Variants in TTC39C observed in about 807,000 individuals in gnomAD.
The protein encoded by TTC39C is tetratricopeptide repeat domain 39C.
In TTC39C, 33 loss-of-function variants were observed where a neutral mutation model predicts 76.3. The ratio of observed to expected loss-of-function variants is 0.43; its 90% CI spans 0.33 to 0.58. The LOEUF is 0.58. Among genes scored for constraint, TTC39C ranks in the 20% least tolerant of loss-of-function variants. TTC39C has a pLI of 0.04. For missense variants in TTC39C, 595 were observed against 701.4 expected, an observed-to-expected ratio of 0.85 and a Z score of 1.71; for synonymous variants, 254 against 260.6, an observed-to-expected ratio of 0.97 and a Z score of 0.24.
chr18:24,083,058 A>G lies in TTC39C; in HGVS notation c.961A>G (p.Lys321Glu). The change falls in exon 6 of 14, where the codon AAG becomes GAG. Residue 321 changes from lysine (K) to glutamate (E), a missense_variant. Lys to Glu is a moderately conservative substitution (Grantham distance 56). Transcript: ENST00000317571. ...AAATTCTTCCCTCTTTATGTTTTTCAAGGGACGGATACAACGACTAGAGGT... is the reference window on the plus strand; with the variant it reads ...AAATTCTTCCCTCTTTATGTTTTTCGAGGGACGGATACAACGACTAGAGGT... ...YPNSSLFMFF[K>E]GRIQRLECQI... The G allele has an allele frequency of 1.9e-6, 3 of 1,614,038 alleles. No homozygotes were observed. The highest frequency in any genetic ancestry group is 2.5e-6 in the Non-Finnish European group (3 of 1,179,928).
At chr18:24,124,071 C>T (rs112779673) in intron 9 of TTC39C, 128 bp downstream of exon 9, 49 of 605,828 alleles carry the variant, frequency 8.1e-5, no homozygotes, top group African/African-American at 7.6e-4. Context: ...TGCAGTTCAC[C>T]GCCATGCAGA....
chr18:24,060,350 C>G (rs1256115372), intron 1 of TTC39C, among the ~76,000 whole-genome samples: 3 of 113,946 alleles, frequency 2.6e-5, no homozygotes, highest in African/African-American at 3.3e-5. Context: ...CGTAGTCTCT[C>G]TCTGTCGCCC....
chr18:24,103,679 C>T (rs1437059100), intron 6 of TTC39C, among the ~76,000 whole-genome samples: 2 of 152,118 alleles, frequency 1.3e-5, no homozygotes, highest in African/African-American at 4.8e-5. Context: ...TTAGGAATTT[C>T]AGAGGCCACT....
chr18:24,092,474 C>T (rs992776872), intron 6 of TTC39C, among the ~76,000 whole-genome samples: 1 of 152,210 alleles, frequency 6.6e-6, no homozygotes, highest in Non-Finnish European at 1.5e-5. Flanking sequence ...AAAGTGGCAA[C>T]AGCTCAGATG....
intron 1 of TTC39C, among the ~76,000 whole-genome samples, chr18:24,025,996 C>G (rs1338763099): frequency 1.3e-5 from 2 of 152,152 alleles, no homozygotes; most frequent in Non-Finnish European, 2.9e-5. Flanking sequence ...GTGTTGGGCT[C>G]CCTGGGTCCC....
intron 5 of TTC39C, among the ~76,000 whole-genome samples, chr18:24,082,007 T>C (rs1314372238): frequency 6.6e-6 from 1 of 150,496 alleles, no homozygotes; most frequent in Non-Finnish European, 1.5e-5. Flanking sequence ...CATTTTTGTC[T>C]GGCTGTTGTT....
intron 1 of TTC39C, among the ~76,000 whole-genome samples, chr18:24,017,449 C>T (rs972804751): frequency 2.8e-4 from 42 of 152,302 alleles, no homozygotes; most frequent in African/African-American, 9.1e-4. Context: ...TCCATGGCCC[C>T]GACTAAGTGT....
intron 1 of TTC39C, among the ~76,000 whole-genome samples, chr18:24,055,604 G>A (rs1336769009): frequency 6.6e-6 from 1 of 152,132 alleles, no homozygotes; most frequent in Non-Finnish European, 1.5e-5. Context: ...TTGTTGCTGA[G>A]TTGTAGGAGC....
chr18:24,024,116 A>G (rs2083567533), intron 1 of TTC39C, among the ~76,000 whole-genome samples: 1 of 144,778 alleles, frequency 6.9e-6, no homozygotes, highest in Non-Finnish European at 1.5e-5. Context: ...AGGTTCAAGC[A>G]ATTCTCCTGC....
At chr18:24,131,069 A>G (rs1347148825) in intron 12 of TTC39C, among the ~76,000 whole-genome samples, 2 of 141,072 alleles carry the variant, frequency 1.4e-5, no homozygotes, top group East Asian at 4.4e-4. Flanking sequence ...CAAAAAACAT[A>G]GTCAGGCGTG....
intron 9 of TTC39C, 99 bp downstream of exon 9, chr18:24,124,042 AT>A: frequency 1.2e-6 from 1 of 815,848 alleles, no homozygotes; most frequent in Non-Finnish European, 1.9e-6. Context: ...AAGGCTGCCT[AT>A]TTACTTGCCA....
chr18:24,015,339 G>T, intron 1 of TTC39C: 1 of 264,764 alleles, frequency 3.8e-6, no homozygotes. Context: ...GACGTGCCCG[G>T]TGCCGGTAGG....
intron 1 of TTC39C, among the ~76,000 whole-genome samples, chr18:24,023,700 C>A (rs1027118938): frequency 6.6e-5 from 10 of 151,836 alleles, no homozygotes; most frequent in African/African-American, 2.4e-4. Context: ...ATTCCAAAAG[C>A]CAGATCCTGC....
intron 1 of TTC39C, among the ~76,000 whole-genome samples, chr18:24,025,428 T>G (rs895569089): frequency 6.6e-6 from 1 of 152,212 alleles, no homozygotes; most frequent in African/African-American, 2.4e-5. Context: ...CCACAAGCAG[T>G]GTTGCTGTTG....
At chr18:24,091,230 A>G (rs2084512940) in intron 6 of TTC39C, among the ~76,000 whole-genome samples, 1 of 152,216 alleles carries the variant, frequency 6.6e-6, no homozygotes, top group African/African-American at 2.4e-5. Context: ...GGGCAGGCAG[A>G]TTGCTTGAGC....
intron 1 of TTC39C, among the ~76,000 whole-genome samples, chr18:24,020,516 G>T (rs1469237954): frequency 6.6e-6 from 1 of 152,174 alleles, no homozygotes. Context: ...TGGGGGATTG[G>T]TTCCAGGACC....
chr18:24,083,137 T>A, intron 6 of TTC39C, 56 bp downstream of exon 6: 1 of 1,526,326 alleles, frequency 6.6e-7, no homozygotes, highest in East Asian at 2.3e-5. Context: ...AAATCTCTGA[T>A]TCTCACTTGA....
At chr18:24,045,897 A>ATATATATATATGTATATGTATATG (rs1555769927) in intron 1 of TTC39C, among the ~76,000 whole-genome samples, 799 of 41,262 alleles carry the variant, frequency 0.019, 25 homozygotes, top group East Asian at 0.023. Flanking sequence ...GTGAAAATAT[A>ATATATATATATGTATATGTATATG]TATATATATA....
intron 1 of TTC39C, among the ~76,000 whole-genome samples, chr18:24,058,153 T>C (rs1050735798): frequency 2.0e-5 from 3 of 152,064 alleles, no homozygotes; most frequent in African/African-American, 7.2e-5. Context: ...GACAGCAGGG[T>C]CTACTTGAGG....
Sources: gnomAD v4.1 joint callset for allele counts (sites outside exome capture counted in the v4.1 genomes callset) on GRCh38, gnomAD v4.1.1 for gene constraint, MANE v1.5 for transcripts, NCBI Gene and HGNC (gene_info 2026-07-23, HGNC 2026-07-21) for gene names.